The following THADA variants were observed in gnomAD, a reference collection of about 807,000 sequenced individuals.
THADA encodes the protein tRNA (32-2'-O)-methyltransferase regulator THADA.
A neutral mutation model predicts 219.8 loss-of-function variants in THADA; 213 were observed. The observed-to-expected ratio is 0.97, with a 90% CI of 0.87 to 1.09. The LOEUF (loss-of-function observed/expected upper bound fraction) is 1.09, where lower values mean the gene tolerates loss of function less well. Among genes scored for constraint, THADA ranks in the 50% least tolerant of loss-of-function variants. THADA has a pLI of 0.00. For missense variants in THADA, 2,956 were observed against 2,311.3 expected (o/e 1.28, Z -5.72); for synonymous variants, 1,018 against 828.9 (o/e 1.23, Z -3.92).
At chr2:43,264,517 T>G (rs1044252713) in intron 36 of THADA, among the ~76,000 whole-genome samples, 1 of 152,128 alleles carries the variant, frequency 6.6e-6, no homozygotes, top group African/African-American at 2.4e-5. Context: ...ACTCCTGACC[T>G]CAGGTGATCC....
chr2:43,517,806 C>T (rs1691916618), intron 22 of THADA, among the ~76,000 whole-genome samples: 1 of 152,124 alleles, frequency 6.6e-6, no homozygotes, highest in East Asian at 1.9e-4. Flanking sequence ...TCTCAGAAAA[C>T]ACAAAGATTT....
At chr2:43,475,960 T>C (rs1466047826) in intron 26 of THADA, among the ~76,000 whole-genome samples, 1 of 152,248 alleles carries the variant, frequency 6.6e-6, no homozygotes, top group Non-Finnish European at 1.5e-5. Flanking sequence ...GCACACATGA[T>C]TAGTTGCCTA....
At chr2:43,476,757 C>A (rs1482312121) in intron 26 of THADA, among the ~76,000 whole-genome samples, 1 of 152,156 alleles carries the variant, frequency 6.6e-6, no homozygotes, top group Non-Finnish European at 1.5e-5. Flanking sequence ...CACAGTCATG[C>A]AAGTTAGGTA....
intron 10 of THADA, 108 bp downstream of exon 10, chr2:43,576,914 T>G (rs975983458): frequency 1.1e-6 from 1 of 951,368 alleles, no homozygotes; most frequent in Non-Finnish European, 1.6e-6. Flanking sequence ...CTCAGCCTAC[T>G]GGGAGGGTAG....
chr2:43,557,562 C>A (rs1290022671), intron 16 of THADA, among the ~76,000 whole-genome samples: 1 of 152,220 alleles, frequency 6.6e-6, no homozygotes, highest in African/African-American at 2.4e-5. Context: ...ACACCTATAT[C>A]TCACAGAAAC....
At chr2:43,339,028 T>G (rs912512511) in intron 30 of THADA, among the ~76,000 whole-genome samples, 1 of 152,154 alleles carries the variant, frequency 6.6e-6, no homozygotes, top group Non-Finnish European at 1.5e-5. Context: ...AACTTACATA[T>G]ACAGTATAGC....
chr2:43,273,121 T>C (rs961750208), intron 36 of THADA, among the ~76,000 whole-genome samples: 33 of 152,004 alleles, frequency 2.2e-4, no homozygotes, highest in African/African-American at 7.7e-4. Flanking sequence ...TGGTGGTGTG[T>C]GTCTGTAATC....
intron 36 of THADA, among the ~76,000 whole-genome samples, chr2:43,234,165 C>T (rs906665283): frequency 1.3e-5 from 2 of 152,192 alleles, no homozygotes; most frequent in South Asian, 2.1e-4. Flanking sequence ...ATTATGTAAC[C>T]CACTTGCACA....
In THADA at chr2:43,444,924, T is replaced by A. The variant is rs550623897; in HGVS notation, c.3837-14622A>T. On this transcript the variant is annotated intron_variant, in intron 26 of 37. Coordinates refer to ENST00000405975, the MANE Select transcript of THADA (RefSeq NM_022065.5). ...TAGTAAAGGTGTGGGTTGTGTCCAG[T>A]TTTTAAAAACAGGACTTATTCACAG... 3.2e-4 allele frequency among the ~76,000 whole-genome samples: 49 copies of A among 152,218 alleles called. 1 individual carries two copies. The South Asian group carries it at 9.8e-3, about 30-fold the overall frequency.
intron 36 of THADA, among the ~76,000 whole-genome samples, chr2:43,237,602 T>C (rs930248287): frequency 1.3e-5 from 2 of 151,450 alleles, no homozygotes; most frequent in Non-Finnish European, 2.9e-5. Context: ...GGTTTCACCA[T>C]CTTGGCCAGG....
intron 16 of THADA, among the ~76,000 whole-genome samples, chr2:43,558,980 G>A (rs2103926588): frequency 6.6e-6 from 1 of 152,210 alleles, no homozygotes; most frequent in Middle Eastern, 3.4e-3. Flanking sequence ...GAGATGCAGA[G>A]GTCCCCTGAG....
chr2:43,455,586 A>G (rs1306365469), intron 26 of THADA, among the ~76,000 whole-genome samples: 1 of 152,116 alleles, frequency 6.6e-6, no homozygotes, highest in African/African-American at 2.4e-5. Context: ...AGTTAAAAAC[A>G]GGAGCATATT....
chr2:43,261,399 T>A (rs545002373), intron 36 of THADA, among the ~76,000 whole-genome samples: 1 of 151,602 alleles, frequency 6.6e-6, no homozygotes, highest in African/African-American at 2.4e-5. Context: ...AATTTTTGTA[T>A]TTTTAGTAGA....
intron 22 of THADA, among the ~76,000 whole-genome samples, chr2:43,524,283 C>T (rs546342669): frequency 1.3e-5 from 2 of 152,314 alleles, no homozygotes; most frequent in South Asian, 4.1e-4. Flanking sequence ...ATGTCTCCAT[C>T]CCTATTTATT....
rs181049897 is a variant in THADA at position 43,535,401 on chromosome 2, C to A, written c.3264+5758G>T. 6.1e-3 allele frequency among the ~76,000 whole-genome samples: 916 copies of A among 151,396 alleles called. 5 individuals carry two copies. The highest frequency in any genetic ancestry group is 0.011 in the Non-Finnish European group (712 of 67,796). On this transcript the variant is annotated intron_variant, in intron 21 of 37. Transcript: ENST00000405975. ...TTATTTATAAAAATGTTTTCCCAGG[C>A]CAGGCGGTGGCTCACGCCTGTAATC... is the stretch of plus-strand genomic sequence containing the variant.
intron 30 of THADA, among the ~76,000 whole-genome samples, chr2:43,325,281 A>C (rs778344432): frequency 5.3e-5 from 8 of 149,786 alleles, no homozygotes; most frequent in Non-Finnish European, 1.0e-4. Flanking sequence ...TCCCTTCCGG[A>C]ATCCCAGTGG....
At chr2:43,425,903 T>C (rs1452818957) in intron 28 of THADA, among the ~76,000 whole-genome samples, 1 of 152,214 alleles carries the variant, frequency 6.6e-6, no homozygotes, top group Admixed American at 6.5e-5. Context: ...GAGTGATAGA[T>C]GTGCTCTTTC....
intron 15 of THADA, 198 bp downstream of exon 15, chr2:43,566,500 T>C (rs1558984792): frequency 9.5e-6 from 7 of 736,784 alleles, no homozygotes; most frequent in Non-Finnish European, 1.7e-5. Context: ...CAAATAATGA[T>C]CAATGAAAAG....
intron 36 of THADA, among the ~76,000 whole-genome samples, chr2:43,244,887 C>G (rs1233898262): frequency 6.6e-6 from 1 of 152,184 alleles, no homozygotes; most frequent in Non-Finnish European, 1.5e-5. Flanking sequence ...CACCCCAGAG[C>G]ACTCCTCCTG....
Sources: allele counts gnomAD v4.1 joint callset (sites outside exome capture counted in the v4.1 genomes callset), GRCh38; gene constraint gnomAD v4.1.1; transcripts MANE v1.5; gene names NCBI Gene and HGNC (gene_info 2026-07-23, HGNC 2026-07-21).